Variants in TMEM170B observed in about 807,000 individuals in gnomAD.
TMEM170B encodes transmembrane protein 170B.
In TMEM170B, 6 loss-of-function variants were observed where a neutral mutation model predicts 13.0. The observed-to-expected ratio is 0.46, with a 90% confidence interval of 0.25 to 0.91. TMEM170B has a LOEUF of 0.91. TMEM170B is among the 40% of genes least tolerant of loss of function. The probability of loss-of-function intolerance (pLI) is 0.17; values close to 1 mark genes in which losing one functional copy is unlikely to be tolerated. For missense variants in TMEM170B, 138 were observed against 165.2 expected (o/e 0.84, Z 0.90); for synonymous variants, 61 against 64.9 (o/e 0.94, Z 0.29).
chr6:11,562,509 C>T (rs192568774), intron 1 of TMEM170B, among the ~76,000 whole-genome samples: 25 of 151,524 alleles, frequency 1.6e-4, no homozygotes, highest in African/African-American at 5.3e-4. Flanking sequence ...GTCCATTCTA[C>T]GTGCCAGTTC....
At chr6:11,574,828 T>C (rs1405787529) in intron 2 of TMEM170B, among the ~76,000 whole-genome samples, 2 of 152,112 alleles carry the variant, frequency 1.3e-5, no homozygotes, top group Non-Finnish European at 2.9e-5. Flanking sequence ...TCCATTCTTA[T>C]TAGACGTCAA....
Position 11,559,528 on chromosome 6 carries a change from C to T in TMEM170B, c.98-6138C>T, listed in dbSNP as rs975333501. On this transcript the variant is annotated intron_variant, in intron 1 of 2. Coordinates refer to ENST00000379426, the MANE Select transcript of TMEM170B (RefSeq NM_001100829.3). Reference sequence around the variant, plus strand: ...CATTTCAAAATCTAAAAACCATTCACGAAGACTATACAGAGACAGGTGGTA... The same window carrying T: ...CATTTCAAAATCTAAAAACCATTCATGAAGACTATACAGAGACAGGTGGTA... Among the ~76,000 whole-genome samples the T allele has an allele frequency of 1.2e-4, 19 of 152,242 alleles. 1 individual carries two copies. The highest frequency in any genetic ancestry group is 4.6e-4 in the African/African-American group (19 of 41,546).
chr6:11,577,114 A>G lies in TMEM170B; in HGVS notation c.*1553A>G, dbSNP rs1304837126. The G allele has an allele frequency of 6.6e-6, 1 of 152,090 alleles. No homozygotes were observed. Among genetic ancestry groups the G allele is most frequent in the Non-Finnish European group, 1.5e-5 (1 of 67,958 alleles). The allele number at this position is 152,090 out of a possible 1,614,324, so 9.4% of individuals were successfully genotyped here. A position where few individuals can be genotyped will look rare whatever the true frequency, so the allele number is the denominator to read the frequency against. Reference sequence around the variant, plus strand: ...TAAAAGTAGGCCTTTGTTATATTACATTCAAATTTAAGAACTTTGTTACCC... The same window carrying G: ...TAAAAGTAGGCCTTTGTTATATTACGTTCAAATTTAAGAACTTTGTTACCC... On this transcript the variant is annotated 3_prime_UTR_variant, in exon 3 of 3. Coordinates refer to ENST00000379426, the MANE Select transcript of TMEM170B (RefSeq NM_001100829.3).
chr6:11,548,388 ACCAG>A (rs1369625747), intron 1 of TMEM170B, among the ~76,000 whole-genome samples: 5 of 152,224 alleles, frequency 3.3e-5, no homozygotes, highest in Non-Finnish European at 7.3e-5. Flanking sequence ...ACCATCCCAC[ACCAG>A]TTAGAATGGC....
chr6:11,548,986 A>G (rs930647365), intron 1 of TMEM170B, among the ~76,000 whole-genome samples: 8 of 152,328 alleles, frequency 5.3e-5, no homozygotes, highest in African/African-American at 1.7e-4. Flanking sequence ...TGACGAGTTA[A>G]TGGGTGCAGC....
At chr6:11,541,689 G>A (rs898693615) in intron 1 of TMEM170B, among the ~76,000 whole-genome samples, 3 of 152,264 alleles carry the variant, frequency 2.0e-5, no homozygotes, top group East Asian at 3.9e-4. Flanking sequence ...TGTTTGGTAC[G>A]AGAGGCCTAG....
intron 1 of TMEM170B, among the ~76,000 whole-genome samples, chr6:11,558,457 A>G (rs1759617840): frequency 6.6e-6 from 1 of 152,174 alleles, no homozygotes. Context: ...ATGGGAACAT[A>G]AGAAACGTTT....
At chr6:11,562,385 T>G (rs1397981654) in intron 1 of TMEM170B, among the ~76,000 whole-genome samples, 1 of 150,340 alleles carries the variant, frequency 6.7e-6, no homozygotes, top group Admixed American at 6.7e-5. Context: ...TGTCTATATT[T>G]CCGTAATCAC....
chr6:11,551,712 A>G (rs1220732630), intron 1 of TMEM170B, among the ~76,000 whole-genome samples: 1 of 152,210 alleles, frequency 6.6e-6, no homozygotes, highest in Admixed American at 6.5e-5. Context: ...GCTAACCTTT[A>G]GATTAAGTAA....
In TMEM170B at chr6:11,579,444, A is replaced by T. The variant is rs1358356157; in HGVS notation, c.*3883A>T. 6.6e-6 allele frequency: 1 copy of T among 152,182 alleles called. No homozygotes were observed. The highest frequency in any genetic ancestry group is 1.5e-5 in the Non-Finnish European group (1 of 68,026). The allele number at this position is 152,182 out of a possible 1,614,324, so 9.4% of individuals were successfully genotyped here. Reference sequence around the variant, plus strand: ...AAATGATCAACTGATAGTCTCTAGAATTTTTTTAAATTACATTTTGCAATT... The same window carrying T: ...AAATGATCAACTGATAGTCTCTAGATTTTTTTTAAATTACATTTTGCAATT... On this transcript the variant is annotated 3_prime_UTR_variant, in exon 3 of 3. Coordinates refer to ENST00000379426, the MANE Select transcript of TMEM170B (RefSeq NM_001100829.3).
chr6:11,537,968 G>A lies in TMEM170B; in HGVS notation c.-310G>A, dbSNP rs1759302061. ...GCTGCCCCTGAGAGGGAGCGGCGGC[G>A]GCCTCCTCCGCCCCGAGTCCTCGCT... On this transcript the variant is annotated 5_prime_UTR_variant, in exon 1 of 3. Coordinates refer to ENST00000379426, the MANE Select transcript of TMEM170B (RefSeq NM_001100829.3). 6.6e-6 allele frequency among the ~76,000 whole-genome samples: 1 copy of A among 151,342 alleles called. No individual in the cohort carries two copies. The highest frequency in any genetic ancestry group is 2.4e-5 in the African/African-American group (1 of 41,328).
intron 1 of TMEM170B, among the ~76,000 whole-genome samples, chr6:11,547,070 G>A (rs1185056805): frequency 6.6e-6 from 1 of 152,150 alleles, no homozygotes; most frequent in Admixed American, 6.5e-5. Context: ...TGTAATTGCA[G>A]AAAGTGAAAC....
At chr6:11,571,025 A>T (rs1759792298) in intron 2 of TMEM170B, among the ~76,000 whole-genome samples, 1 of 152,182 alleles carries the variant, frequency 6.6e-6, no homozygotes, top group South Asian at 2.1e-4. Context: ...TGTGGATTGT[A>T]GTTTGCCAAC....
Position 11,547,408 on chromosome 6 carries a change from A to G in TMEM170B, c.97+9034A>G, listed in dbSNP as rs1164907169. ...ATGCTGTATTATAGGAGGTGAGCTT[A>G]AGTAGAAAAAATTACTTCAAATGTC... On this transcript the variant is annotated intron_variant, in intron 1 of 2. Transcript: ENST00000379426. 2.0e-5 allele frequency among the ~76,000 whole-genome samples: 3 copies of G among 151,266 alleles called. No homozygotes were observed. The East Asian group carries it at 6.0e-4, about 30-fold the overall frequency.
chr6:11,555,876 G>GAGATGGTCTGTTGCTT (rs1292741481), intron 1 of TMEM170B, among the ~76,000 whole-genome samples: 2 of 7,370 alleles, frequency 2.7e-4, no homozygotes, highest in African/African-American at 2.9e-4. Context: ...GAGGTACAAG[G>GAGATGGTCTGTTGCTT]CCGGGCGCGG....
chr6:11,549,366 T>C (rs76032754), intron 1 of TMEM170B, among the ~76,000 whole-genome samples: 37 of 152,190 alleles, frequency 2.4e-4, no homozygotes, highest in Middle Eastern at 6.8e-3. Flanking sequence ...TACCAACACA[T>C]TTAAAAGAAG....
intron 2 of TMEM170B, among the ~76,000 whole-genome samples, chr6:11,566,691 A>T (rs978456231): frequency 1.3e-5 from 2 of 152,256 alleles, no homozygotes. Flanking sequence ...TTGGAGGTCA[A>T]GTGCCCCATT....
intron 1 of TMEM170B, among the ~76,000 whole-genome samples, chr6:11,546,604 T>C (rs1448422905): frequency 6.6e-6 from 1 of 152,192 alleles, no homozygotes; most frequent in Non-Finnish European, 1.5e-5. Flanking sequence ...CATTTTTTAA[T>C]CTTTTATGCT....
chr6:11,538,832 A>AT (rs1759320948), intron 1 of TMEM170B, among the ~76,000 whole-genome samples: 1 of 152,146 alleles, frequency 6.6e-6, no homozygotes, highest in Admixed American at 6.5e-5. Context: ...ATTGCCCACA[A>AT]TGGTCGATTT....
Sources: gnomAD v4.1 joint callset for allele counts (sites outside exome capture counted in the v4.1 genomes callset) on GRCh38, gnomAD v4.1.1 for gene constraint, MANE v1.5 for transcripts, NCBI Gene and HGNC (gene_info 2026-07-23, HGNC 2026-07-21) for gene names.